The following EEF1AKMT2 variants were observed in gnomAD, a reference collection of about 807,000 sequenced individuals.
The protein encoded by EEF1AKMT2 is EEF1A lysine methyltransferase 2, also known as eukaryotic translation elongation factor 1 alpha lysine methyltransferase 2.
EEF1AKMT2 carries 32 observed loss-of-function variants against 35.8 expected under a neutral mutation model. The observed-to-expected ratio is 0.89, with a 90% CI of 0.67 to 1.20. The LOEUF is 1.20. Ranked by LOEUF, EEF1AKMT2 falls within the 50% of genes most tolerant of loss-of-function variation. The pLI, the probability that EEF1AKMT2 is intolerant of heterozygous loss-of-function variation, is 0.00. For missense variants in EEF1AKMT2, 330 were observed against 347.5 expected, an observed-to-expected ratio of 0.95 and a Z score of 0.40; for synonymous variants, 121 against 133.7, an observed-to-expected ratio of 0.91 and a Z score of 0.65.
At chr10:124,781,618 CAAA>C (rs34232151) in intron 3 of EEF1AKMT2, among the ~76,000 whole-genome samples, 1 of 100,980 alleles carries the variant, frequency 9.9e-6, no homozygotes, top group Non-Finnish European at 1.9e-5. Flanking sequence ...TATATTCAGC[CAAA>C]AAAAAAAAAA....
chr10:124,791,388 C>G (rs1235366025), intron 1 of EEF1AKMT2, among the ~76,000 whole-genome samples: 1 of 152,094 alleles, frequency 6.6e-6, no homozygotes, highest in Non-Finnish European at 1.5e-5. Flanking sequence ...CTCTCGCCGA[C>G]CAGCCCTATT....
At chr10:124,767,628 G>T (rs1267707981) in intron 4 of EEF1AKMT2, among the ~76,000 whole-genome samples, 1 of 151,948 alleles carries the variant, frequency 6.6e-6, no homozygotes, top group Non-Finnish European at 1.5e-5. Flanking sequence ...GTGCCATGAA[G>T]AAAATAAAGC....
intron 4 of EEF1AKMT2, among the ~76,000 whole-genome samples, chr10:124,772,435 T>C (rs113248668): frequency 7.7e-6 from 1 of 130,566 alleles, no homozygotes; most frequent in Non-Finnish European, 1.7e-5. Flanking sequence ...TTTTTTTTTT[T>C]TTTTTTTTTT....
chr10:124,788,687 A>G (rs1255429439), intron 3 of EEF1AKMT2, among the ~76,000 whole-genome samples: 2 of 75,804 alleles, frequency 2.6e-5, no homozygotes, highest in Admixed American at 1.5e-4. Flanking sequence ...CGTATGTCCT[A>G]CTGGAATTGC....
chr10:124,771,983 C>T (rs1206411842), intron 4 of EEF1AKMT2, among the ~76,000 whole-genome samples: 1 of 152,084 alleles, frequency 6.6e-6, no homozygotes, highest in Non-Finnish European at 1.5e-5. Flanking sequence ...CAGTAGGTCT[C>T]AAAAATGGGC....
At chr10:124,778,706 G>T (rs1324098516) in intron 3 of EEF1AKMT2, among the ~76,000 whole-genome samples, 1 of 147,560 alleles carries the variant, frequency 6.8e-6, no homozygotes, top group Non-Finnish European at 1.5e-5. Flanking sequence ...CTGGGTGACG[G>T]CGTGAGACTC....
In EEF1AKMT2 at chr10:124,758,849, G is replaced by A. The variant is rs776203054; in HGVS notation, c.*1654C>T. On this transcript the variant is annotated 3_prime_UTR_variant, in exon 7 of 7. Transcript: ENST00000368836. ...CACAATCTTCTAAAAAATTTAAATT[G>A]CATATATTTTGAAGTAATTTCTCAC... 5.9e-5 allele frequency: 9 copies of A among 152,026 alleles called. No homozygotes were observed. The highest frequency in any genetic ancestry group is 1.3e-4 in the Non-Finnish European group (9 of 68,000). The allele number at this position is 152,026 out of a possible 1,614,324, so 9.4% of individuals were successfully genotyped here. A position where few individuals can be genotyped will look rare whatever the true frequency, so the allele number is the denominator to read the frequency against.
intron 4 of EEF1AKMT2, among the ~76,000 whole-genome samples, chr10:124,768,839 G>A (rs1002345684): frequency 1.3e-5 from 2 of 152,000 alleles, no homozygotes; most frequent in East Asian, 3.9e-4. Context: ...CAAAATCAAA[G>A]GCTACTGTAG....
intron 6 of EEF1AKMT2, among the ~76,000 whole-genome samples, chr10:124,762,031 G>T (rs1458803367): frequency 3.9e-5 from 6 of 152,160 alleles, no homozygotes; most frequent in African/African-American, 4.8e-5. Context: ...GTGGGGTTCT[G>T]TATTTTTCTA....
At position 124,790,324 on chromosome 10, in the gene EEF1AKMT2, T is replaced by A; in HGVS notation, c.125A>T (p.Tyr42Phe). ...LGTREHWDAV[Y>F]ERELQTFREY... ...TCGGAAAGTTTGCAGTTCTCTCTCA[T>A]AGACAGCATCCCAACTATGTAAACA... Residue 42 changes from tyrosine to phenylalanine, a missense_variant, in exon 2 of 7, where the codon TAT becomes TTT. Coordinates refer to ENST00000368836, the MANE Select transcript of EEF1AKMT2 (RefSeq NM_212554.4). 6.2e-7 allele frequency: 1 copy of A among 1,611,272 alleles called. No individual in the cohort carries two copies. The highest frequency in any genetic ancestry group is 8.5e-7 in the Non-Finnish European group (1 of 1,177,442).
chr10:124,777,740 C>T (rs1589787967), intron 3 of EEF1AKMT2, among the ~76,000 whole-genome samples: 2 of 151,986 alleles, frequency 1.3e-5, no homozygotes, highest in African/African-American at 4.8e-5. Context: ...GCCAGGCTGC[C>T]CAAGCTGGTC....
At chr10:124,763,236 T>C (rs937223135) in intron 5 of EEF1AKMT2, among the ~76,000 whole-genome samples, 1 of 152,166 alleles carries the variant, frequency 6.6e-6, no homozygotes, top group African/African-American at 2.4e-5. Context: ...CGACATCAAA[T>C]TAGAACATGG....
chr10:124,782,853 A>C, intron 3 of EEF1AKMT2: 1 of 253,312 alleles, frequency 3.9e-6, no homozygotes, highest in Non-Finnish European at 8.1e-6. Flanking sequence ...AAAACAATAA[A>C]ATGTAGACCT....
intron 3 of EEF1AKMT2, among the ~76,000 whole-genome samples, chr10:124,786,820 G>T (rs1950588712): frequency 6.6e-6 from 1 of 150,920 alleles, no homozygotes; most frequent in African/African-American, 2.4e-5. Context: ...AAAAAAAAAA[G>T]AAAGAAAAAG....
chr10:124,757,675 A>G (rs1273520168), downstream of EEF1AKMT2, among the ~76,000 whole-genome samples: 1 of 152,132 alleles, frequency 6.6e-6, no homozygotes, highest in African/African-American at 2.4e-5. Context: ...GATTCATAAA[A>G]AGACTAAAAG....
At chr10:124,765,309 T>C in intron 5 of EEF1AKMT2, 83 bp downstream of exon 5, 1 of 1,158,330 alleles carries the variant, frequency 8.6e-7, no homozygotes, top group Non-Finnish European at 1.3e-6. Context: ...AGTAAAACAC[T>C]ATAACACAAA....
At chr10:124,764,152 A>G (rs989607067) in intron 5 of EEF1AKMT2, among the ~76,000 whole-genome samples, 2 of 152,286 alleles carry the variant, frequency 1.3e-5, no homozygotes, top group African/African-American at 4.8e-5. Context: ...GTTATAAATA[A>G]TGGTACACAG....
intron 2 of EEF1AKMT2, among the ~76,000 whole-genome samples, chr10:124,789,546 C>A (rs756510305): frequency 6.6e-6 from 1 of 152,128 alleles, no homozygotes; most frequent in East Asian, 1.9e-4. Flanking sequence ...CTGCTTGAGG[C>A]CAGGAGTTCG....
chr10:124,768,003 T>A (rs1950394450), intron 4 of EEF1AKMT2, among the ~76,000 whole-genome samples: 1 of 151,864 alleles, frequency 6.6e-6, no homozygotes, highest in Non-Finnish European at 1.5e-5. Flanking sequence ...TAAAAACAAA[T>A]AAATAAATAA....
Sources: gnomAD v4.1 joint callset for allele counts (sites outside exome capture counted in the v4.1 genomes callset) on GRCh38, gnomAD v4.1.1 for gene constraint, MANE v1.5 for transcripts, NCBI Gene and HGNC (gene_info 2026-07-23, HGNC 2026-07-21) for gene names.